Variants in CDH12 observed in about 807,000 individuals in gnomAD.
CDH12 encodes the protein cadherin 12, also known as cadherin-12.
Under a neutral mutation model 74.1 loss-of-function variants are expected in CDH12, and 41 were observed. That is an observed-to-expected ratio of 0.55 (90% CI 0.43 to 0.72). The LOEUF (loss-of-function observed/expected upper bound fraction) is 0.72, where lower values mean the gene tolerates loss of function less well. Among genes scored for constraint, CDH12 ranks in the 30% least tolerant of loss-of-function variants. The pLI, the probability that CDH12 is intolerant of heterozygous loss-of-function variation, is 0.00. For synonymous variants in CDH12, 399 were observed against 355.0 expected, an observed-to-expected ratio of 1.12 and a Z score of -1.39; for missense variants, 945 against 977.2, an observed-to-expected ratio of 0.97 and a Z score of 0.44.
At chr5:22,563,180 G>A (rs1739144231) in intron 1 of CDH12, among the ~76,000 whole-genome samples, 1 of 151,248 alleles carries the variant, frequency 6.6e-6, no homozygotes, top group Non-Finnish European at 1.5e-5. Flanking sequence ...GTTGTGGCCA[G>A]GATGATAAAA....
At chr5:22,428,681 A>G (rs915658596) in intron 2 of CDH12, among the ~76,000 whole-genome samples, 2 of 152,164 alleles carry the variant, frequency 1.3e-5, no homozygotes, top group Admixed American at 6.5e-5. Flanking sequence ...AGGCATTGCA[A>G]TCGGAGCAGA....
At chr5:22,799,086 C>T (rs780326106) in intron 1 of CDH12, among the ~76,000 whole-genome samples, 33 of 152,154 alleles carry the variant, frequency 2.2e-4, no homozygotes, top group Non-Finnish European at 4.3e-4. Context: ...TATTGCACAC[C>T]GGCCTGGGTG....
At chr5:21,770,486 T>C (rs1745260578) in intron 11 of CDH12, among the ~76,000 whole-genome samples, 1 of 151,780 alleles carries the variant, frequency 6.6e-6, no homozygotes, top group Non-Finnish European at 1.5e-5. Context: ...TAGCTGGGCA[T>C]GGTGGTGGGC....
At chr5:22,380,919 C>CT (rs1267630198) in intron 3 of CDH12, among the ~76,000 whole-genome samples, 1 of 152,138 alleles carries the variant, frequency 6.6e-6, no homozygotes, top group African/African-American at 2.4e-5. Flanking sequence ...AGGCAATTGG[C>CT]TTTCAGCACA....
chr5:22,257,351 T>A (rs1030823763), intron 3 of CDH12, among the ~76,000 whole-genome samples: 18 of 151,920 alleles, frequency 1.2e-4, no homozygotes, highest in Admixed American at 5.3e-4. Context: ...GTTAAAAATT[T>A]AAAAAAATTA....
At chr5:22,529,498 C>A (rs979341973) in intron 1 of CDH12, among the ~76,000 whole-genome samples, 1 of 152,052 alleles carries the variant, frequency 6.6e-6, no homozygotes, top group Non-Finnish European at 1.5e-5. Flanking sequence ...CAGTAGGAAT[C>A]CACTTACTTT....
intron 3 of CDH12, among the ~76,000 whole-genome samples, chr5:22,313,299 T>A (rs1738468703): frequency 6.6e-6 from 1 of 152,142 alleles, no homozygotes; most frequent in African/African-American, 2.4e-5. Context: ...GTGCCATGTT[T>A]TTCTAAATTT....
At chr5:22,003,601 A>G (rs1393181593) in intron 5 of CDH12, among the ~76,000 whole-genome samples, 1 of 152,142 alleles carries the variant, frequency 6.6e-6, no homozygotes, top group Non-Finnish European at 1.5e-5. Flanking sequence ...ATTTCATTGA[A>G]TAATTCTAGT....
Position 22,808,605 on chromosome 5 carries a change from C to CTTT in CDH12, c.-523+44450_-523+44452dup, listed in dbSNP as rs34567315. Among the ~76,000 whole-genome samples the CTTT allele has an allele frequency of 9.2e-4, 102 of 111,464 alleles. 3 individuals are homozygous for CTTT. The highest frequency in any genetic ancestry group is 2.1e-3 in the African/African-American group (58 of 27,262). The allele number at this position is 111,464 out of a possible 152,430, so 73.1% of individuals were successfully genotyped here. On this transcript the variant is annotated intron_variant, in intron 1 of 14. Transcript: ENST00000382254. ...CATAGATTTTCTTTTCTTTTCTTGT[C>CTTT]TTTTTTTTTTTTTTTTTTTGAGATG...
intron 8 of CDH12, among the ~76,000 whole-genome samples, chr5:21,829,080 A>G (rs1265965388): frequency 6.6e-6 from 1 of 152,128 alleles, no homozygotes; most frequent in African/African-American, 2.4e-5. Context: ...CAGTCAGCTG[A>G]GGTCAGGAGT....
At chr5:22,011,958 C>G (rs189040161) in intron 5 of CDH12, among the ~76,000 whole-genome samples, 1 of 152,020 alleles carries the variant, frequency 6.6e-6, no homozygotes, top group Non-Finnish European at 1.5e-5. Flanking sequence ...AAAACTACTA[C>G]TAGAGTTTGT....
At chr5:22,367,205 C>A (rs1741073919) in intron 3 of CDH12, among the ~76,000 whole-genome samples, 2 of 151,820 alleles carry the variant, frequency 1.3e-5, no homozygotes, top group Non-Finnish European at 2.9e-5. Context: ...CTTTCTGCAC[C>A]ACTTTGCTCC....
chr5:22,354,637 A>C (rs903684679), intron 3 of CDH12, among the ~76,000 whole-genome samples: 2 of 152,192 alleles, frequency 1.3e-5, no homozygotes, highest in Admixed American at 1.3e-4. Context: ...TAAAGAGTCA[A>C]GTAATATTTT....
At chr5:22,612,855 T>C (rs1737480610) in intron 1 of CDH12, among the ~76,000 whole-genome samples, 1 of 152,098 alleles carries the variant, frequency 6.6e-6, no homozygotes, top group Non-Finnish European at 1.5e-5. Flanking sequence ...AACCCTAACA[T>C]AGTTCCTAAA....
chr5:22,254,434 A>T (rs777128337), intron 3 of CDH12, among the ~76,000 whole-genome samples: 15 of 151,874 alleles, frequency 9.9e-5, no homozygotes, highest in Non-Finnish European at 1.9e-4. Context: ...ACATCAGAAG[A>T]TGACCAAGAA....
intron 1 of CDH12, among the ~76,000 whole-genome samples, chr5:22,530,821 T>C (rs1316036713): frequency 6.6e-6 from 1 of 152,122 alleles, no homozygotes; most frequent in Non-Finnish European, 1.5e-5. Context: ...AACAAATAAA[T>C]TAGCATATTT....
At chr5:22,230,389 C>A (rs1338898490) in intron 3 of CDH12, among the ~76,000 whole-genome samples, 1 of 151,968 alleles carries the variant, frequency 6.6e-6, no homozygotes, top group Non-Finnish European at 1.5e-5. Flanking sequence ...ATATTCTCAC[C>A]ACTGCCATTC....
At chr5:22,531,197 C>A (rs1020815430) in intron 1 of CDH12, among the ~76,000 whole-genome samples, 4 of 152,106 alleles carry the variant, frequency 2.6e-5, no homozygotes, top group Non-Finnish European at 5.9e-5. Flanking sequence ...ATTTAATTAT[C>A]CTGTCTAATC....
chr5:22,383,590 C>A (rs187840357), intron 3 of CDH12, among the ~76,000 whole-genome samples: 2 of 152,152 alleles, frequency 1.3e-5, no homozygotes, highest in African/African-American at 2.4e-5. Flanking sequence ...TAGAAATTCT[C>A]ATTTTGGGAG....
Sources: gnomAD v4.1 joint callset for allele counts (sites outside exome capture counted in the v4.1 genomes callset) on GRCh38, gnomAD v4.1.1 for gene constraint, MANE v1.5 for transcripts, NCBI Gene and HGNC (gene_info 2026-07-23, HGNC 2026-07-21) for gene names.